The following ABCC1 variants were observed in gnomAD, a reference collection of about 807,000 sequenced individuals.
ABCC1 encodes multidrug resistance-associated protein 1.
Under a neutral mutation model 172.9 loss-of-function variants are expected in ABCC1, and 83 were observed. The ratio of observed to expected loss-of-function variants is 0.48; its 90% CI spans 0.40 to 0.58. The LOEUF (loss-of-function observed/expected upper bound fraction) is 0.58, where lower values mean the gene tolerates loss of function less well. ABCC1 is among the 20% of genes least tolerant of loss of function. The probability of loss-of-function intolerance (pLI) is 0.00; values close to 1 mark genes in which losing one functional copy is unlikely to be tolerated. For synonymous variants in ABCC1, 937 were observed against 825.2 expected, an observed-to-expected ratio of 1.14 and a Z score of -2.32; for missense variants, 1,817 against 2,002.7, an observed-to-expected ratio of 0.91 and a Z score of 1.77.
chr16:15,949,887 C>A, intron 1 of ABCC1, 88 bp downstream of exon 1: 1 of 1,080,938 alleles, frequency 9.3e-7, no homozygotes. Context: ...CCCGGGGCAC[C>A]CCGCTCCCCG....
intron 1 of ABCC1, among the ~76,000 whole-genome samples, chr16:16,004,366 C>G (rs918832819): frequency 1.3e-5 from 2 of 152,132 alleles, no homozygotes; most frequent in African/African-American, 4.8e-5. Flanking sequence ...AGGGCACATT[C>G]CTTTGGAATG....
chr16:15,949,378 G>C (rs1022783846), upstream of ABCC1, among the ~76,000 whole-genome samples: 3 of 152,008 alleles, frequency 2.0e-5, no homozygotes, highest in African/African-American at 7.2e-5. Context: ...CGGAAGGCGA[G>C]CCAACGCTCC....
chr16:16,141,097 C>A, intron 30 of ABCC1, 76 bp from the exon 31 acceptor site: 1 of 1,317,276 alleles, frequency 7.6e-7, no homozygotes, highest in Non-Finnish European at 1.1e-6. Flanking sequence ...CAGTGACTTG[C>A]CCAGGTCAGT....
chr16:16,036,395 GGAGT>G, intron 6 of ABCC1, 73 bp from the exon 7 acceptor site: 1 of 1,398,990 alleles, frequency 7.1e-7, no homozygotes, highest in Non-Finnish European at 9.9e-7. Context: ...GCAGGCGTGT[GGAGT>G]GAGTGAGCCC....
intron 1 of ABCC1, among the ~76,000 whole-genome samples, chr16:15,987,166 G>GA (rs1297971517): frequency 6.6e-6 from 1 of 152,134 alleles, no homozygotes; most frequent in Non-Finnish European, 1.5e-5. Context: ...CCCTGTGTCA[G>GA]AAAAAGAGAG....
intron 29 of ABCC1, 81 bp from the exon 30 acceptor site, chr16:16,138,283 C>T (rs1358472484): frequency 2.2e-5 from 31 of 1,400,250 alleles, no homozygotes; most frequent in Non-Finnish European, 2.8e-5. Flanking sequence ...TCTCCTTTCG[C>T]TTCTCCCAGC....
intron 14 of ABCC1, among the ~76,000 whole-genome samples, chr16:16,072,126 G>C (rs17215768): frequency 0.12 from 17,759 of 151,778 alleles, 1,152 homozygotes; most frequent in Middle Eastern, 0.22. Context: ...CTGAGCCTCA[G>C]TTTTATCTAG....
chr16:16,022,795 T>C (rs945472875), intron 5 of ABCC1, among the ~76,000 whole-genome samples: 18 of 152,360 alleles, frequency 1.2e-4, no homozygotes, highest in African/African-American at 4.3e-4. Context: ...AGAATTCTAC[T>C]GTGAGCAGTC....
chr16:15,967,154 C>G (rs532783983), intron 1 of ABCC1, among the ~76,000 whole-genome samples: 2 of 152,222 alleles, frequency 1.3e-5, no homozygotes, highest in African/African-American at 4.8e-5. Context: ...GTCACACCCT[C>G]TATATTCTCC....
At chr16:16,002,388 C>G (rs1171069431) in intron 1 of ABCC1, among the ~76,000 whole-genome samples, 1 of 152,080 alleles carries the variant, frequency 6.6e-6, no homozygotes, top group African/African-American at 2.4e-5. Flanking sequence ...GAGGGGAGGG[C>G]CATAGGGAAT....
At chr16:16,130,845 G>A (rs1488418571) in intron 26 of ABCC1, among the ~76,000 whole-genome samples, 2 of 152,088 alleles carry the variant, frequency 1.3e-5, no homozygotes, top group East Asian at 1.9e-4. Flanking sequence ...TGTCTGTGGC[G>A]GGCATGGTGG....
At chr16:16,091,488 T>A (rs983040766) in intron 19 of ABCC1, among the ~76,000 whole-genome samples, 1 of 149,938 alleles carries the variant, frequency 6.7e-6, no homozygotes, top group African/African-American at 2.5e-5. Flanking sequence ...TGAGGAGTGA[T>A]GGGTGTCATT....
At chr16:16,136,341 C>A in intron 28 of ABCC1, 137 bp from the exon 29 acceptor site, 2 of 980,000 alleles carry the variant, frequency 2.0e-6, no homozygotes, top group Non-Finnish European at 2.9e-6. Flanking sequence ...CCATTATTAA[C>A]ATCTCCAGAA....
intron 1 of ABCC1, among the ~76,000 whole-genome samples, chr16:15,987,760 C>T (rs1386645411): frequency 6.6e-6 from 1 of 152,234 alleles, no homozygotes; most frequent in Non-Finnish European, 1.5e-5. Flanking sequence ...CACTGACTGT[C>T]TCCTCCCTGC....
intron 23 of ABCC1, among the ~76,000 whole-genome samples, chr16:16,119,585 G>C (rs1265252900): frequency 6.6e-6 from 1 of 152,136 alleles, no homozygotes; most frequent in Non-Finnish European, 1.5e-5. Flanking sequence ...CAGCTACTTA[G>C]GAGGCTAAGG....
intron 18 of ABCC1, among the ~76,000 whole-genome samples, chr16:16,088,121 A>ATGTG (rs1292847920): frequency 9.8e-6 from 1 of 102,492 alleles, no homozygotes; most frequent in Admixed American, 1.1e-4. Flanking sequence ...ATATGTGTGT[A>ATGTG]TGCGTGTGTG....
At chr16:16,124,357 GAGTGACCCACTACGCCCGGC>G in intron 24 of ABCC1, among the ~76,000 whole-genome samples, 1 of 95,960 alleles carries the variant, frequency 1.0e-5, no homozygotes, top group African/African-American at 3.9e-5. Flanking sequence ...GTGATTATAG[GAGTGACCCACTACGCCCGGC>G]TGTGTGTGTG....
chr16:16,064,383 C>G (rs143593105), intron 12 of ABCC1, among the ~76,000 whole-genome samples: 1 of 152,186 alleles, frequency 6.6e-6, no homozygotes, highest in African/African-American at 2.4e-5. Flanking sequence ...CTAGACTGTG[C>G]GTCTCAGGGT....
At chr16:15,982,271 C>T (rs534264341) in intron 1 of ABCC1, among the ~76,000 whole-genome samples, 4 of 152,166 alleles carry the variant, frequency 2.6e-5, no homozygotes, top group African/African-American at 9.6e-5. Context: ...TTAGTTTGTT[C>T]TCACGCTGCT....
Sources: allele counts gnomAD v4.1 joint callset (sites outside exome capture counted in the v4.1 genomes callset), GRCh38; gene constraint gnomAD v4.1.1; transcripts MANE v1.5; gene names NCBI Gene and HGNC (gene_info 2026-07-23, HGNC 2026-07-21).